Variants in PACC1 observed in about 807,000 individuals in gnomAD.
The protein encoded by PACC1 is proton-activated chloride channel.
In PACC1, 34 loss-of-function variants were observed where a neutral mutation model predicts 39.7. That is an observed-to-expected ratio of 0.86 (90% confidence interval 0.65 to 1.14). The LOEUF (loss-of-function observed/expected upper bound fraction) is 1.14. Among genes scored for constraint, PACC1 ranks in the 50% most tolerant of loss-of-function variants. PACC1 has a pLI of 0.00. For missense variants in PACC1, 379 were observed against 436.4 expected (o/e 0.87, Z 1.17); for synonymous variants, 127 against 160.6 (o/e 0.79, Z 1.58).
chr1:212,393,434 G>A (rs1350173913), intron 2 of PACC1, among the ~76,000 whole-genome samples: 2 of 151,916 alleles, frequency 1.3e-5, no homozygotes, highest in Non-Finnish European at 2.9e-5. Flanking sequence ...CACATTTAAA[G>A]CAGTGTGTAG....
intron 7 of PACC1, 60 bp downstream of exon 7, chr1:212,375,133 A>G: frequency 7.4e-7 from 1 of 1,349,664 alleles, no homozygotes; most frequent in Non-Finnish European, 1.0e-6. Context: ...TACATCTATC[A>G]TAATCTTAAA....
At chr1:212,372,091 C>T (rs1269366244) in intron 7 of PACC1, among the ~76,000 whole-genome samples, 1 of 151,990 alleles carries the variant, frequency 6.6e-6, no homozygotes, top group Non-Finnish European at 1.5e-5. Context: ...TTGAGACCAG[C>T]CTGGCCAACA....
Position 212,386,043 on chromosome 1 carries a change from G to C in PACC1, c.344-618C>G, listed in dbSNP as rs1661088404. Among the ~76,000 whole-genome samples the C allele has an allele frequency of 6.6e-6, 1 of 152,166 alleles. No individual in the cohort carries two copies. The highest frequency in any genetic ancestry group is 1.5e-5 in the Non-Finnish European group (1 of 68,024). ...TAAAGAAGACTCAAGCAGACACACA[G>C]AGAAGAGGGACAAACACAAGACAGG... On this transcript the variant is annotated intron_variant, in intron 3 of 7. Coordinates refer to ENST00000261455, the MANE Select transcript of PACC1 (RefSeq NM_018252.3). The surrounding 1 kb of genome is among the most constrained non-coding windows in gnomAD (Gnocchi z 5.0).
intron 7 of PACC1, 95 bp from the exon 8 acceptor site, chr1:212,365,471 AC>A: frequency 7.6e-7 from 1 of 1,324,290 alleles, no homozygotes; most frequent in Non-Finnish European, 1.0e-6. Context: ...CGCTCTTGTC[AC>A]CCAGGCTTGT....
intron 2 of PACC1, among the ~76,000 whole-genome samples, chr1:212,401,619 T>C (rs1183552270): frequency 9.5e-6 from 1 of 104,872 alleles, no homozygotes; most frequent in East Asian, 4.0e-4. Flanking sequence ...GAGACTCTTG[T>C]CTCAAAAAAA....
intron 2 of PACC1, among the ~76,000 whole-genome samples, chr1:212,407,617 A>G (rs1199379392): frequency 6.6e-6 from 1 of 152,188 alleles, no homozygotes; most frequent in Non-Finnish European, 1.5e-5. Context: ...TTAATAAAAG[A>G]ATGCTTATTG....
chr1:212,390,451 T>C (rs1414735585), intron 2 of PACC1, among the ~76,000 whole-genome samples: 1 of 142,578 alleles, frequency 7.0e-6, no homozygotes, highest in Non-Finnish European at 1.5e-5. Flanking sequence ...AAAAAAAGAC[T>C]ATTGATATTG....
chr1:212,380,133 C>G, intron 4 of PACC1, 96 bp from the exon 5 acceptor site: 1 of 1,354,546 alleles, frequency 7.4e-7, no homozygotes, highest in South Asian at 1.3e-5. Flanking sequence ...GCCCATAGCT[C>G]CTTGCCCAGT....
chr1:212,397,735 C>T (rs1661575334), intron 2 of PACC1, among the ~76,000 whole-genome samples: 6 of 152,128 alleles, frequency 3.9e-5, no homozygotes, highest in Admixed American at 2.0e-4. Context: ...GAATGGGAAG[C>T]ACAGGGAGAA....
At position 212,396,797 on chromosome 1, in the gene PACC1, TATCTATCTATCTATC is replaced by T. The variant is rs1010038980; in HGVS notation, c.134-9712_134-9698del. Among the ~76,000 whole-genome samples the T allele has an allele frequency of 0.015, 9 of 582 alleles. No individual in the cohort carries two copies. In the South Asian group the frequency reaches 0.25, roughly 16 times the overall value. 0.4% of individuals were successfully genotyped at this position (582 alleles called of 152,430 possible). On this transcript the variant is annotated intron_variant, in intron 2 of 7. Coordinates refer to ENST00000261455, the MANE Select transcript of PACC1 (RefSeq NM_018252.3). Reference sequence around the variant, plus strand: ...TCTTGAAGGCAGTGAGGGAAAAAAATATCTATCTATCTATCTATCTATCTATCTATCTATCTATCT... The same window carrying T: ...TCTTGAAGGCAGTGAGGGAAAAAAATTATCTATCTATCTATCTATCTATCT...
Position 212,414,800 on chromosome 1 carries a change from C to T in PACC1, c.-43G>A, listed in dbSNP as rs1171328945. On this transcript the variant is annotated 5_prime_UTR_variant, in exon 1 of 8. Coordinates refer to ENST00000261455, the MANE Select transcript of PACC1 (RefSeq NM_018252.3). Reference sequence around the variant, plus strand: ...CGGCACACCTGAGACCGCCCCAGCCCGCGGCGCACGGACGCAGCACTGCGG... The same window carrying T: ...CGGCACACCTGAGACCGCCCCAGCCTGCGGCGCACGGACGCAGCACTGCGG... The T allele has an allele frequency of 2.5e-6, 4 of 1,608,204 alleles. No homozygotes were observed. The African/African-American group carries it at 5.3e-5, about 22-fold the overall frequency.
At chr1:212,412,320 G>C (rs1319076616) in intron 1 of PACC1, among the ~76,000 whole-genome samples, 1 of 152,112 alleles carries the variant, frequency 6.6e-6, no homozygotes, top group Non-Finnish European at 1.5e-5. Context: ...GCCTCACTCA[G>C]GTTCACCCTG....
chr1:212,407,946 C>T (rs958345350), intron 2 of PACC1, among the ~76,000 whole-genome samples: 5 of 151,964 alleles, frequency 3.3e-5, no homozygotes, highest in Admixed American at 6.6e-5. Context: ...TGGTGGCACA[C>T]GCCTATAGTC....
At chr1:212,365,959 TTCC>T (rs1482183785) in intron 7 of PACC1, among the ~76,000 whole-genome samples, 1 of 152,168 alleles carries the variant, frequency 6.6e-6, no homozygotes, top group Non-Finnish European at 1.5e-5. Flanking sequence ...TTTCAAGTGT[TTCC>T]TCATTTCTAG....
At position 212,386,297 on chromosome 1, in the gene PACC1, G is replaced by A. The variant is rs1661096451; in HGVS notation, c.343+594C>T. On this transcript the variant is annotated intron_variant, in intron 3 of 7. Transcript: ENST00000261455. The surrounding 1 kb of genome is among the most constrained non-coding windows in gnomAD (Gnocchi z 5.0). ...CTCTACAGCCCCTAGAACATCCAGT[G>A]CCAGCCCTGCAGCCCAGAGCAGATA... Among the ~76,000 whole-genome samples the A allele has an allele frequency of 6.6e-6, 1 of 152,132 alleles. No homozygotes were observed. Among genetic ancestry groups the A allele is most frequent in the South Asian group, 2.1e-4 (1 of 4,832 alleles).
chr1:212,400,192 T>TATA (rs1248180065), intron 2 of PACC1, among the ~76,000 whole-genome samples: 1 of 152,066 alleles, frequency 6.6e-6, no homozygotes, highest in Non-Finnish European at 1.5e-5. Context: ...GGCTGAACAA[T>TATA]ATAATAAAGA....
Position 212,386,895 on chromosome 1 carries a change from G to T in PACC1, c.339C>A (p.Ala113=). Residue 113 remains alanine, a synonymous_variant, in exon 3 of 8, where the codon GCC becomes GCA. Coordinates refer to ENST00000261455, the MANE Select transcript of PACC1 (RefSeq NM_018252.3). The surrounding 1 kb of genome is among the most constrained non-coding windows in gnomAD (Gnocchi z 5.0). The stretch of plus-strand genomic sequence containing the variant: ...TGGCCCAGGGGCAGGCTCTACCTGG[G>T]GCATCATAGCGATCCACTTCCTTGT... ...VSYKEVDRYD[A]PGIALYPGQA... 1 of 1,614,130 alleles carries T rather than the reference G, an allele frequency of 6.2e-7. No individual in the cohort carries two copies. The highest frequency in any genetic ancestry group is 8.5e-7 in the Non-Finnish European group (1 of 1,180,018).
rs541801215 is a variant in PACC1 at position 212,383,436 on chromosome 1, G to A, written c.495+1838C>T. Reference sequence around the variant, plus strand: ...TTAGCGTGTTTTACAGAGAGATGAAGGGAGCTGGGAATCCAGACAAAGAGC... The same window carrying A: ...TTAGCGTGTTTTACAGAGAGATGAAAGGAGCTGGGAATCCAGACAAAGAGC... On this transcript the variant is annotated intron_variant, in intron 4 of 7. Coordinates refer to ENST00000261455, the MANE Select transcript of PACC1 (RefSeq NM_018252.3). 3.9e-5 allele frequency among the ~76,000 whole-genome samples: 6 copies of A among 152,290 alleles called. No homozygotes were observed. In the South Asian group the frequency reaches 6.2e-4, roughly 16 times the overall value.
At chr1:212,370,437 C>G (rs895745759) in intron 7 of PACC1, among the ~76,000 whole-genome samples, 1 of 152,252 alleles carries the variant, frequency 6.6e-6, no homozygotes, top group Non-Finnish European at 1.5e-5. Context: ...CCACTGCACT[C>G]CAGCCTGGGC....
Sources: gnomAD v4.1 joint callset for allele counts (sites outside exome capture counted in the v4.1 genomes callset) on GRCh38, gnomAD v4.1.1 for gene constraint, Gnocchi (gnomAD v3.1) non-coding constraint, MANE v1.5 for transcripts, NCBI Gene and HGNC (gene_info 2026-07-23, HGNC 2026-07-21) for gene names.